The following SAMMSON variants were observed in gnomAD, a reference collection of about 807,000 sequenced individuals.
SAMMSON encodes the protein survival associated mitochondrial melanoma specific oncogenic non-coding RNA.
chr3:70,344,088 A>C (rs1486799691), intron 7 of SAMMSON, among the ~76,000 whole-genome samples: 1 of 151,974 alleles, frequency 6.6e-6, no homozygotes, highest in Non-Finnish European at 1.5e-5. Context: ...AGACAGGGAA[A>C]TACTGGGTAG....
At chr3:70,404,953 A>T (rs557317013) in intron 2 of SAMMSON, among the ~76,000 whole-genome samples, 1 of 152,190 alleles carries the variant, frequency 6.6e-6, no homozygotes, top group African/African-American at 2.4e-5. Context: ...TTAGCACACT[A>T]CTGTTTATGT....
chr3:70,364,152 T>C (rs1389993666), intron 9 of SAMMSON, among the ~76,000 whole-genome samples: 4 of 151,958 alleles, frequency 2.6e-5, no homozygotes, highest in African/African-American at 7.2e-5. Flanking sequence ...TTCAGTTTTA[T>C]TTCTACAATT....
At chr3:70,380,809 T>C (rs1035794364) in intron 9 of SAMMSON, among the ~76,000 whole-genome samples, 8 of 152,122 alleles carry the variant, frequency 5.3e-5, no homozygotes, top group African/African-American at 1.9e-4. Flanking sequence ...TTTTTTGTCC[T>C]TGCGATAGTT....
At chr3:70,029,088 A>G (rs1310323370) in intron 3 of SAMMSON, among the ~76,000 whole-genome samples, 1 of 152,208 alleles carries the variant, frequency 6.6e-6, no homozygotes, top group Non-Finnish European at 1.5e-5. Flanking sequence ...TTTAAAATTA[A>G]TCCTGTGTCT....
At chr3:70,401,410 T>A (rs1174243855) in intron 2 of SAMMSON, among the ~76,000 whole-genome samples, 2 of 152,154 alleles carry the variant, frequency 1.3e-5, no homozygotes, top group African/African-American at 4.8e-5. Context: ...ATAAGGCAAT[T>A]ACTAGCATTT....
At chr3:70,277,782 C>T (rs1452089030) in intron 6 of SAMMSON, among the ~76,000 whole-genome samples, 1 of 152,046 alleles carries the variant, frequency 6.6e-6, no homozygotes, top group Middle Eastern at 3.2e-3. Flanking sequence ...CTTAATGTCA[C>T]AGGTGTGTGC....
intron 1 of SAMMSON, among the ~76,000 whole-genome samples, chr3:70,006,203 A>C (rs1181576935): frequency 6.6e-6 from 1 of 152,220 alleles, no homozygotes; most frequent in East Asian, 1.9e-4. Context: ...AAGAACATGC[A>C]CCAATTACAG....
chr3:70,141,688 T>C (rs977946878), intron 4 of SAMMSON, among the ~76,000 whole-genome samples: 1 of 152,210 alleles, frequency 6.6e-6, no homozygotes, highest in African/African-American at 2.4e-5. Flanking sequence ...TTCAAACATA[T>C]TATTTCCCAT....
chr3:70,225,521 A>G (rs1056120955), intron 4 of SAMMSON, among the ~76,000 whole-genome samples: 2 of 152,226 alleles, frequency 1.3e-5, no homozygotes, highest in Admixed American at 6.5e-5. Flanking sequence ...TTCTAGTTTA[A>G]GAAAGCAACG....
intron 4 of SAMMSON, chr3:70,172,832 AT>A (rs1255893055): frequency 6.6e-6 from 1 of 151,998 alleles, no homozygotes; most frequent in East Asian, 1.9e-4. Flanking sequence ...TGAGTTCTTA[AT>A]TTTAAAAAAG....
chr3:70,364,057 C>A (rs1702899935), intron 9 of SAMMSON, among the ~76,000 whole-genome samples: 1 of 151,794 alleles, frequency 6.6e-6, no homozygotes, highest in Non-Finnish European at 1.5e-5. Context: ...CCCTTTCCTC[C>A]TAATACTTAA....
intron 6 of SAMMSON, among the ~76,000 whole-genome samples, chr3:70,261,701 T>C (rs1052684534): frequency 3.3e-5 from 5 of 152,168 alleles, no homozygotes; most frequent in African/African-American, 1.2e-4. Context: ...CAAGTTATCT[T>C]GCAGATGTAG....
intron 9 of SAMMSON, among the ~76,000 whole-genome samples, chr3:70,385,335 A>T (rs1268336678): frequency 2.0e-5 from 3 of 152,118 alleles, no homozygotes; most frequent in Admixed American, 6.6e-5. Flanking sequence ...AATCACTATA[A>T]ATATGTTAAA....
chr3:70,215,860 AG>A (rs1325766160), intron 4 of SAMMSON, among the ~76,000 whole-genome samples: 3 of 152,188 alleles, frequency 2.0e-5, no homozygotes, highest in African/African-American at 7.2e-5. Flanking sequence ...TCCTTAGGGG[AG>A]GTTTTCTGAG....
At chr3:70,168,555 G>A (rs78505407) in intron 4 of SAMMSON, among the ~76,000 whole-genome samples, 1 of 151,920 alleles carries the variant, frequency 6.6e-6, no homozygotes, top group South Asian at 2.1e-4. Context: ...TGAAATATGC[G>A]ACTATCAGAA....
intron 4 of SAMMSON, among the ~76,000 whole-genome samples, chr3:70,132,846 T>C (rs1424966209): frequency 6.6e-6 from 1 of 151,068 alleles, no homozygotes; most frequent in East Asian, 2.0e-4. Flanking sequence ...CAATGTGCAA[T>C]GTTTGAAGTT....
chr3:70,391,125 G>T (rs752616459), downstream of SAMMSON, among the ~76,000 whole-genome samples: 2 of 152,172 alleles, frequency 1.3e-5, no homozygotes, highest in Non-Finnish European at 2.9e-5. Flanking sequence ...CACCTTCGCA[G>T]CTGAGACTAT....
At chr3:70,204,386 T>C (rs1378204202) in intron 4 of SAMMSON, 1 of 152,162 alleles carries the variant, frequency 6.6e-6, no homozygotes, top group Non-Finnish European at 1.5e-5. Flanking sequence ...CTGACTTAAC[T>C]CTTGTTTTCC....
At chr3:70,225,767 T>C (rs1214487444) in intron 4 of SAMMSON, among the ~76,000 whole-genome samples, 2 of 152,224 alleles carry the variant, frequency 1.3e-5, no homozygotes, top group East Asian at 3.8e-4. Context: ...AAGATTTATG[T>C]CTTTTAAAAA....
Sources: gnomAD v4.1 joint callset for allele counts (sites outside exome capture counted in the v4.1 genomes callset) on GRCh38, gnomAD v4.1.1 for gene constraint, MANE v1.5 for transcripts, NCBI Gene and HGNC (gene_info 2026-07-23, HGNC 2026-07-21) for gene names.